Variants in ROR2 observed in about 807,000 individuals in gnomAD.
ROR2 encodes ROR family WNT receptor 2, also known as tyrosine-protein kinase transmembrane receptor ROR2.
ROR2 carries 33 observed loss-of-function variants against 74.9 expected under a neutral mutation model. The ratio of observed to expected loss-of-function variants is 0.44; its 90% CI spans 0.33 to 0.59. The LOEUF is 0.59. Ranked by LOEUF, ROR2 falls within the 20% of genes least tolerant of loss-of-function variation. The probability of loss-of-function intolerance (pLI) is 0.02; values close to 1 mark genes in which losing one functional copy is unlikely to be tolerated. For synonymous variants in ROR2, 586 were observed against 558.7 expected, an observed-to-expected ratio of 1.05 and a Z score of -0.69; for missense variants, 1,216 against 1,313.8, an observed-to-expected ratio of 0.93 and a Z score of 1.15.
At chr9:91,940,361 A>C (rs7022802) in intron 1 of ROR2, among the ~76,000 whole-genome samples, 1,718 of 152,324 alleles carry the variant, frequency 0.011, 36 homozygotes, top group African/African-American at 0.038. Flanking sequence ...GTTGAAGCTG[A>C]GTGAAAAATA....
At chr9:91,914,587 C>A (rs1831077703) in intron 1 of ROR2, among the ~76,000 whole-genome samples, 1 of 152,200 alleles carries the variant, frequency 6.6e-6, no homozygotes, top group Non-Finnish European at 1.5e-5. Flanking sequence ...CCAGGGATCA[C>A]ACCAGCTACT....
intron 1 of ROR2, among the ~76,000 whole-genome samples, chr9:91,940,147 G>A (rs1367465106): frequency 6.6e-6 from 1 of 152,258 alleles, no homozygotes; most frequent in East Asian, 1.9e-4. Flanking sequence ...CAGCCCCGCT[G>A]TGCGCAAATC....
chr9:91,777,411 CA>C (rs533528026), intron 1 of ROR2, among the ~76,000 whole-genome samples: 2 of 150,468 alleles, frequency 1.3e-5, no homozygotes, highest in Non-Finnish European at 3.0e-5. Context: ...ACACACACCC[CA>C]TCATCATCAT....
At position 91,774,481 on chromosome 9, in the gene ROR2, A is replaced by C. The variant is rs143046798; in HGVS notation, c.175+1260T>G. ...TTTGCAGGTGAGGCCTTTGGAAGGT[A>C]ATTAGGATTAGATGAGGTCATGATG... On this transcript the variant is annotated intron_variant, in intron 2 of 8. Transcript: ENST00000375708. Among the ~76,000 whole-genome samples the C allele has an allele frequency of 1.1e-3, 164 of 152,308 alleles. 1 individual carries two copies. Among genetic ancestry groups the C allele is most frequent in the African/African-American group, 3.6e-3 (149 of 41,558 alleles).
chr9:91,860,165 C>A (rs2119296165), intron 1 of ROR2, among the ~76,000 whole-genome samples: 1 of 152,308 alleles, frequency 6.6e-6, no homozygotes, highest in East Asian at 1.9e-4. Context: ...CAGGTTAGAC[C>A]TTCGCCATCT....
chr9:91,854,284 A>G (rs1829205288), intron 1 of ROR2, among the ~76,000 whole-genome samples: 1 of 152,206 alleles, frequency 6.6e-6, no homozygotes, highest in Admixed American at 6.5e-5. Context: ...TGGCCAGGAA[A>G]GTCCTGTGAC....
chr9:91,743,927 T>A (rs1422468308), intron 4 of ROR2, among the ~76,000 whole-genome samples: 1 of 152,232 alleles, frequency 6.6e-6, no homozygotes, highest in Non-Finnish European at 1.5e-5. Context: ...ATGGCTTTAT[T>A]TATAATTGCC....
chr9:91,834,177 A>C (rs1828548877), intron 1 of ROR2, among the ~76,000 whole-genome samples: 1 of 152,238 alleles, frequency 6.6e-6, no homozygotes, highest in Non-Finnish European at 1.5e-5. Context: ...AGCCTGGCTC[A>C]GGAAACAAGA....
intron 1 of ROR2, among the ~76,000 whole-genome samples, chr9:91,795,625 T>G (rs1448538574): frequency 6.6e-6 from 1 of 152,180 alleles, no homozygotes; most frequent in African/African-American, 2.4e-5. Context: ...TAATTGAGAC[T>G]CATAAACTCA....
At chr9:91,821,109 A>T (rs1828126173) in intron 1 of ROR2, among the ~76,000 whole-genome samples, 1 of 151,778 alleles carries the variant, frequency 6.6e-6, no homozygotes, top group African/African-American at 2.4e-5. Flanking sequence ...TCAAAAAAAA[A>T]AAAAAAGAAG....
chr9:91,878,130 A>G (rs180729111), intron 1 of ROR2, among the ~76,000 whole-genome samples: 144 of 152,146 alleles, frequency 9.5e-4, no homozygotes, highest in African/African-American at 3.2e-3. Flanking sequence ...CATTGCTAGG[A>G]AAAAAAACAC....
At chr9:91,946,358 G>A (rs991198099) in intron 1 of ROR2, among the ~76,000 whole-genome samples, 9 of 152,192 alleles carry the variant, frequency 5.9e-5, no homozygotes, top group Non-Finnish European at 1.0e-4. Flanking sequence ...GGAAGAGCCC[G>A]CCCCGAGGAG....
chr9:91,780,951 T>C (rs1363402995), intron 1 of ROR2, among the ~76,000 whole-genome samples: 1 of 152,258 alleles, frequency 6.6e-6, no homozygotes, highest in Non-Finnish European at 1.5e-5. Flanking sequence ...TTTGAGTCCA[T>C]GGTGCTATTC....
intron 1 of ROR2, among the ~76,000 whole-genome samples, chr9:91,846,296 A>C (rs1260173891): frequency 6.6e-6 from 1 of 152,214 alleles, no homozygotes; most frequent in Non-Finnish European, 1.5e-5. Context: ...GGAGGCAGTC[A>C]AGGTTAAAAG....
Position 91,723,654 on chromosome 9 carries a change from G to C in ROR2, c.*8C>G. On this transcript the variant is annotated 3_prime_UTR_variant, in exon 9 of 9. Coordinates refer to ENST00000375708, the MANE Select transcript of ROR2 (RefSeq NM_004560.4). ...CTTCTATCCCCGAACCCCGGGCCCT[G>C]GTGCCACTCAAGCTTCCAGCTGGAC... is the stretch of plus-strand genomic sequence containing the variant. The C allele has an allele frequency of 6.2e-7, 1 of 1,613,078 alleles. No homozygotes were observed. Among genetic ancestry groups the C allele is most frequent in the Non-Finnish European group, 8.5e-7 (1 of 1,179,770 alleles).
At chr9:91,793,970 C>T (rs1827090273) in intron 1 of ROR2, among the ~76,000 whole-genome samples, 1 of 152,162 alleles carries the variant, frequency 6.6e-6, no homozygotes, top group African/African-American at 2.4e-5. Flanking sequence ...TCTGCTGCAC[C>T]ATAAGGACTT....
chr9:91,723,493 G>T lies in ROR2; in HGVS notation c.*169C>A. The stretch of plus-strand genomic sequence containing the variant: ...GTGCTCCTAGGCAGGGCAGCTCTCT[G>T]TGTCAGAGGACAGAGAGGAGCAGGG... On this transcript the variant is annotated 3_prime_UTR_variant, in exon 9 of 9. Coordinates refer to ENST00000375708, the MANE Select transcript of ROR2 (RefSeq NM_004560.4). 1.9e-6 allele frequency: 2 copies of T among 1,080,442 alleles called. No homozygotes were observed. Among genetic ancestry groups the T allele is most frequent in the African/African-American group, 1.6e-5 (1 of 63,130 alleles). 66.9% of individuals were successfully genotyped at this position (1,080,442 alleles called of 1,614,324 possible). A position where few individuals can be genotyped will look rare whatever the true frequency, so the allele number is the denominator to read the frequency against.
intron 1 of ROR2, among the ~76,000 whole-genome samples, chr9:91,874,301 A>G (rs1411915066): frequency 6.6e-6 from 1 of 152,166 alleles, no homozygotes; most frequent in Non-Finnish European, 1.5e-5. Flanking sequence ...CTCGCTCCTC[A>G]TTTCTGCCTC....
chr9:91,762,867 T>C (rs1825956923), intron 2 of ROR2, among the ~76,000 whole-genome samples: 1 of 152,196 alleles, frequency 6.6e-6, no homozygotes, highest in Non-Finnish European at 1.5e-5. Flanking sequence ...TTCCACATTA[T>C]TGCTATTGTA....
Sources: gnomAD v4.1 joint callset for allele counts (sites outside exome capture counted in the v4.1 genomes callset) on GRCh38, gnomAD v4.1.1 for gene constraint, MANE v1.5 for transcripts, NCBI Gene and HGNC (gene_info 2026-07-23, HGNC 2026-07-21) for gene names.